The following ITPR2 variants were observed in gnomAD, a reference collection of about 807,000 sequenced individuals.
The protein encoded by ITPR2 is inositol 1,4,5-trisphosphate-gated calcium channel ITPR2.
ITPR2 carries 207 observed loss-of-function variants against 317.1 expected under a neutral mutation model. The observed-to-expected ratio is 0.65, with a 90% CI of 0.58 to 0.73. ITPR2 has a LOEUF of 0.73. Among genes scored for constraint, ITPR2 ranks in the 30% least tolerant of loss-of-function variants. The pLI is 0.00. For missense variants in ITPR2, 2,613 were observed against 3,284.0 expected (o/e 0.80, Z 4.99); for synonymous variants, 1,156 against 1,149.1 (o/e 1.01, Z -0.12).
At chr12:26,828,154 A>T (rs1417856633) in intron 1 of ITPR2, among the ~76,000 whole-genome samples, 1 of 152,220 alleles carries the variant, frequency 6.6e-6, no homozygotes, top group Non-Finnish European at 1.5e-5. Context: ...TTAGCAGCAG[A>T]CCTGGAGCAA....
intron 50 of ITPR2, among the ~76,000 whole-genome samples, chr12:26,417,692 C>T (rs1033148528): frequency 1.3e-5 from 2 of 152,176 alleles, no homozygotes; most frequent in Non-Finnish European, 2.9e-5. Context: ...TTATAAATTA[C>T]TCAGTCTCAG....
intron 9 of ITPR2, among the ~76,000 whole-genome samples, chr12:26,707,782 A>G (rs1948579228): frequency 6.6e-6 from 1 of 152,132 alleles, no homozygotes; most frequent in South Asian, 2.1e-4. Context: ...CACCCGCCTC[A>G]GCCTCCTAAA....
chr12:26,612,131 T>C (rs1946282331), intron 26 of ITPR2, among the ~76,000 whole-genome samples: 5 of 152,212 alleles, frequency 3.3e-5, no homozygotes, highest in African/African-American at 1.2e-4. Flanking sequence ...CTGAGATTTG[T>C]TAGTGTTAGC....
chr12:26,397,409 A>T (rs1377328465), intron 54 of ITPR2, among the ~76,000 whole-genome samples: 1 of 151,722 alleles, frequency 6.6e-6, no homozygotes. Flanking sequence ...CATCTCTTCT[A>T]AAGGCTTTCC....
intron 2 of ITPR2, among the ~76,000 whole-genome samples, chr12:26,743,974 G>A (rs561615608): frequency 6.6e-6 from 1 of 152,170 alleles, no homozygotes; most frequent in Non-Finnish European, 1.5e-5. Context: ...TCTAGCAACC[G>A]ATTTCTTACC....
chr12:26,364,916 G>A (rs971741588), intron 55 of ITPR2, among the ~76,000 whole-genome samples: 2 of 152,132 alleles, frequency 1.3e-5, no homozygotes, highest in African/African-American at 4.8e-5. Context: ...AGACTGTCTG[G>A]AGCACTGTCC....
intron 55 of ITPR2, among the ~76,000 whole-genome samples, chr12:26,358,800 C>A (rs1415890114): frequency 6.6e-6 from 1 of 152,172 alleles, no homozygotes; most frequent in Non-Finnish European, 1.5e-5. Flanking sequence ...TGGCTGCCAC[C>A]TGCCACCCTC....
intron 22 of ITPR2, among the ~76,000 whole-genome samples, chr12:26,630,870 G>C (rs1946736401): frequency 6.6e-6 from 1 of 152,132 alleles, no homozygotes; most frequent in South Asian, 2.1e-4. Flanking sequence ...ATCTTTCTCA[G>C]TTTAAGAACA....
intron 55 of ITPR2, among the ~76,000 whole-genome samples, chr12:26,370,481 T>A (rs932844135): frequency 2.6e-5 from 4 of 152,170 alleles, no homozygotes; most frequent in Admixed American, 2.0e-4. Flanking sequence ...TCCTAAACAA[T>A]GAGCAAATCC....
At chr12:26,725,895 C>T in intron 2 of ITPR2, 130 bp from the exon 3 acceptor site, 2 of 607,690 alleles carry the variant, frequency 3.3e-6, no homozygotes, top group Non-Finnish European at 5.9e-6. Flanking sequence ...TATAGTCCGT[C>T]CTCCAGCCAA....
In ITPR2 at chr12:26,336,158, CTAA is replaced by C. The variant is rs1166590383; in HGVS notation, c.*3236_*3238del. Reference sequence around the variant, plus strand: ...AGCTAATATTTACCCCTCCTTTTCTCTAATGATAGAGTACTGGGAAGCAGAAAT... The same window carrying C: ...AGCTAATATTTACCCCTCCTTTTCTCTGATAGAGTACTGGGAAGCAGAAAT... On this transcript the variant is annotated 3_prime_UTR_variant, in exon 57 of 57. Transcript: ENST00000381340. 6.6e-6 allele frequency among the ~76,000 whole-genome samples: 1 copy of C among 152,172 alleles called. No individual in the cohort carries two copies. Among genetic ancestry groups the C allele is most frequent in the African/African-American group, 2.4e-5 (1 of 41,438 alleles).
intron 39 of ITPR2, among the ~76,000 whole-genome samples, chr12:26,492,257 G>A (rs1296363148): frequency 6.6e-6 from 1 of 152,126 alleles, no homozygotes; most frequent in Non-Finnish European, 1.5e-5. Flanking sequence ...AGATCTAGGG[G>A]AACAACTTGC....
chr12:26,611,799 C>T (rs1049094124), intron 26 of ITPR2, among the ~76,000 whole-genome samples: 4 of 152,202 alleles, frequency 2.6e-5, no homozygotes, highest in Non-Finnish European at 4.4e-5. Flanking sequence ...TTAACCTACT[C>T]GGATACGGTT....
chr12:26,390,239 C>G (rs998440025), intron 54 of ITPR2, among the ~76,000 whole-genome samples: 12 of 152,136 alleles, frequency 7.9e-5, no homozygotes, highest in Admixed American at 6.5e-4. Context: ...TACCATATAA[C>G]TAAGCATAAC....
At chr12:26,722,882 C>T (rs1302158673) in intron 4 of ITPR2, among the ~76,000 whole-genome samples, 1 of 152,092 alleles carries the variant, frequency 6.6e-6, no homozygotes, top group Non-Finnish European at 1.5e-5. Context: ...TCCCCAAAAC[C>T]ACATCCTTTC....
intron 5 of ITPR2, chr12:26,721,233 C>A (rs1463922284): frequency 8.5e-6 from 4 of 471,084 alleles, no homozygotes; most frequent in South Asian, 3.9e-5. Flanking sequence ...CCAACCAACA[C>A]AAGACTTAAA....
rs1942537036 is a variant in ITPR2 at position 26,481,135 on chromosome 12, A to G, written c.6119T>C (p.Leu2040Pro). 2 of 1,594,786 alleles carry G rather than the reference A, an allele frequency of 1.3e-6. No individual in the cohort carries two copies. Among genetic ancestry groups the G allele is most frequent in the South Asian group, 1.1e-5 (1 of 90,618 alleles). The change falls in exon 43 of 57, where the codon CTA becomes CCA. Residue 2040 changes from leucine to proline, a missense_variant. This residue lies in a region of ITPR2 where 926 missense variants were observed against 1,072.8 expected (regional missense o/e 0.86). Transcript: ENST00000381340. ...TGAACAGTGGAATCGCTCTACCTTT[A>G]GCTGGAGCACCAGGTCCATTCGGTA... Reference protein sequence around the residue: ...GKYRMDLVLQLKNNASKLLLA... With the variant: ...GKYRMDLVLQPKNNASKLLLA...
intron 45 of ITPR2, among the ~76,000 whole-genome samples, chr12:26,447,695 G>A (rs1941640789): frequency 6.6e-6 from 1 of 151,806 alleles, no homozygotes; most frequent in South Asian, 2.1e-4. Flanking sequence ...TAGACAAAAT[G>A]CAAAAGGATT....
chr12:26,493,042 A>G (rs1391219735), intron 39 of ITPR2, among the ~76,000 whole-genome samples: 2 of 152,066 alleles, frequency 1.3e-5, no homozygotes, highest in African/African-American at 4.8e-5. Context: ...CCTGGTTCAG[A>G]TAAGATAATT....
Sources: allele counts gnomAD v4.1 joint callset (sites outside exome capture counted in the v4.1 genomes callset), GRCh38; gene constraint gnomAD v4.1.1; regional missense constraint gnomAD v4.1.1; transcripts MANE v1.5; gene names NCBI Gene and HGNC (gene_info 2026-07-23, HGNC 2026-07-21).